LUZP2: variants seen among roughly 807,000 people sequenced by gnomAD.
The protein encoded by LUZP2 is leucine zipper protein 2.
In LUZP2, 52 loss-of-function variants were observed where a neutral mutation model predicts 51.6. That is an observed-to-expected ratio of 1.01 (90% confidence interval 0.81 to 1.27). LUZP2 has a LOEUF of 1.27. Ranked by LOEUF, LUZP2 falls within the 50% of genes most tolerant of loss-of-function variation. The pLI is 0.00. For synonymous variants in LUZP2, 154 were observed against 137.3 expected (o/e 1.12, Z -0.85); for missense variants, 436 against 395.4 (o/e 1.10, Z -0.87).
At chr11:24,676,889 A>G (rs954504089) in intron 1 of LUZP2, among the ~76,000 whole-genome samples, 2 of 151,866 alleles carry the variant, frequency 1.3e-5, no homozygotes, top group Non-Finnish European at 2.9e-5. Flanking sequence ...CTGGTTTCGA[A>G]CTCCTGAACT....
Position 24,792,893 on chromosome 11 carries a change from G to A in LUZP2, c.396+29585G>A, listed in dbSNP as rs1849445949. Among the ~76,000 whole-genome samples the A allele has an allele frequency of 2.0e-5, 3 of 152,094 alleles. 1 individual carries two copies. In the South Asian group the frequency reaches 6.2e-4, roughly 32 times the overall value. Reference sequence around the variant, plus strand: ...CGAGCTGGAATGGAAAGCCTCCCTTGAGGCAATTTCTATGACTTGTATTTT... The same window carrying A: ...CGAGCTGGAATGGAAAGCCTCCCTTAAGGCAATTTCTATGACTTGTATTTT... On this transcript the variant is annotated intron_variant, in intron 5 of 11. Transcript: ENST00000336930.
intron 9 of LUZP2, among the ~76,000 whole-genome samples, chr11:25,001,459 T>C (rs895366370): frequency 2.0e-5 from 3 of 152,152 alleles, no homozygotes; most frequent in Non-Finnish European, 4.4e-5. Flanking sequence ...TTAATTAAGA[T>C]TTAGATCCCC....
intron 9 of LUZP2, among the ~76,000 whole-genome samples, chr11:24,991,962 A>G (rs1471040924): frequency 6.6e-6 from 1 of 151,790 alleles, no homozygotes; most frequent in East Asian, 1.9e-4. Context: ...TAGATTCTGG[A>G]TATTAGTCCT....
chr11:24,846,848 T>C (rs1333911328), intron 5 of LUZP2, among the ~76,000 whole-genome samples: 2 of 151,946 alleles, frequency 1.3e-5, no homozygotes, highest in Non-Finnish European at 2.9e-5. Context: ...TACATATATA[T>C]GTATTTAATA....
intron 1 of LUZP2, among the ~76,000 whole-genome samples, chr11:24,590,835 A>T (rs1853234096): frequency 6.6e-6 from 1 of 152,158 alleles, no homozygotes; most frequent in Non-Finnish European, 1.5e-5. Flanking sequence ...CATGGATTGC[A>T]CATGTGGAGT....
intron 1 of LUZP2, among the ~76,000 whole-genome samples, chr11:24,712,408 T>TTA (rs1857867106): frequency 6.8e-6 from 1 of 146,212 alleles, no homozygotes; most frequent in African/African-American, 2.5e-5. Context: ...AGATCCTGCC[T>TTA]AAAAAAAAAA....
chr11:24,550,770 C>T (rs1227269993), intron 1 of LUZP2, among the ~76,000 whole-genome samples: 1 of 152,010 alleles, frequency 6.6e-6, no homozygotes, highest in Non-Finnish European at 1.5e-5. Context: ...GTTTAACTCT[C>T]CACCAAAAAT....
At chr11:25,077,596 C>T (rs1013859994) in intron 11 of LUZP2, among the ~76,000 whole-genome samples, 190 bp downstream of exon 11, 11 of 151,674 alleles carry the variant, frequency 7.3e-5, no homozygotes, top group Non-Finnish European at 1.2e-4. Flanking sequence ...ACCTCCAGGG[C>T]TCACACCATT....
intron 2 of LUZP2, among the ~76,000 whole-genome samples, chr11:24,730,506 G>A (rs1858675104): frequency 6.6e-6 from 1 of 151,780 alleles, no homozygotes; most frequent in Non-Finnish European, 1.5e-5. Context: ...CATGCACAGA[G>A]CATTAGGGAA....
chr11:24,728,726 T>C (rs1858589285), intron 1 of LUZP2, among the ~76,000 whole-genome samples: 2 of 152,150 alleles, frequency 1.3e-5, no homozygotes, highest in South Asian at 4.1e-4. Context: ...TTCTGATATT[T>C]ATTCACTTTT....
rs533535389 is a variant in LUZP2, at chr11:24,801,011, C to T, written c.396+37703C>T. On this transcript the variant is annotated intron_variant, in intron 5 of 11. Transcript: ENST00000336930. ...ACCTCCCTAAACTTCTTCCATTTCA[C>T]GTTACATCATGAAGCCTGTTTTTGT... Among the ~76,000 whole-genome samples, 129 of 152,228 alleles carry T rather than the reference C, an allele frequency of 8.5e-4. 2 individuals carry two copies. The highest frequency in any genetic ancestry group is 3.0e-3 in the African/African-American group (123 of 41,544).
chr11:24,932,771 G>A (rs1854492855), intron 7 of LUZP2, among the ~76,000 whole-genome samples: 1 of 152,144 alleles, frequency 6.6e-6, no homozygotes, highest in Non-Finnish European at 1.5e-5. Flanking sequence ...ACGCCTCCCT[G>A]CCTGCCGCAG....
Position 24,777,916 on chromosome 11 carries a change from A to G in LUZP2, c.396+14608A>G, listed in dbSNP as rs147156825. 4.3e-3 allele frequency among the ~76,000 whole-genome samples: 424 copies of G among 98,450 alleles called. 2 individuals carry two copies. Among genetic ancestry groups the G allele is most frequent in the African/African-American group, 0.013 (406 of 31,538 alleles). 64.6% of individuals were successfully genotyped at this position (98,450 alleles called of 152,430 possible). A position where few individuals can be genotyped will look rare whatever the true frequency, so the allele number is the denominator to read the frequency against. On this transcript the variant is annotated intron_variant, in intron 5 of 11. Coordinates refer to ENST00000336930, the MANE Select transcript of LUZP2 (RefSeq NM_001009909.4). The stretch of plus-strand genomic sequence containing the variant: ...GCATTATTTTCTTAAAGTTACAAGA[A>G]AAAAGTCTTTTTTTAATATTATATC...
At chr11:25,046,006 C>CA (rs1565276808) in intron 9 of LUZP2, among the ~76,000 whole-genome samples, 1 of 152,066 alleles carries the variant, frequency 6.6e-6, no homozygotes, top group Admixed American at 6.6e-5. Context: ...ACATGAATCA[C>CA]AAAAATGGTT....
chr11:24,973,058 GTTTTTTTT>G (rs71044327), intron 7 of LUZP2, among the ~76,000 whole-genome samples: 1 of 135,546 alleles, frequency 7.4e-6, no homozygotes, highest in Non-Finnish European at 1.6e-5. Context: ...CTGGTCCTGG[GTTTTTTTT>G]TTTTTTTTAA....
intron 1 of LUZP2, among the ~76,000 whole-genome samples, chr11:24,609,662 G>A (rs1011836152): frequency 6.7e-6 from 1 of 150,036 alleles, no homozygotes; most frequent in Non-Finnish European, 1.5e-5. Flanking sequence ...CCCTGGGGGC[G>A]GAGGTTACAA....
intron 9 of LUZP2, among the ~76,000 whole-genome samples, chr11:25,045,871 A>G (rs1362188177): frequency 1.3e-5 from 2 of 152,142 alleles, no homozygotes; most frequent in Non-Finnish European, 2.9e-5. Context: ...AAAAATACTG[A>G]TCTTTACCAA....
At chr11:25,017,257 A>G (rs1857187676) in intron 9 of LUZP2, among the ~76,000 whole-genome samples, 1 of 152,104 alleles carries the variant, frequency 6.6e-6, no homozygotes, top group African/African-American at 2.4e-5. Flanking sequence ...TTTTCTATGA[A>G]CAAGCTTTTT....
intron 5 of LUZP2, among the ~76,000 whole-genome samples, chr11:24,857,779 C>T (rs947092085): frequency 6.6e-6 from 1 of 151,932 alleles, no homozygotes; most frequent in Non-Finnish European, 1.5e-5. Flanking sequence ...CACCTCCACC[C>T]CTGATTCCTA....
Sources: allele counts gnomAD v4.1 joint callset (sites outside exome capture counted in the v4.1 genomes callset), GRCh38; gene constraint gnomAD v4.1.1; transcripts MANE v1.5; gene names NCBI Gene and HGNC (gene_info 2026-07-23, HGNC 2026-07-21).